The following RFTN2 variants were observed in gnomAD, a reference collection of about 807,000 sequenced individuals.
The protein encoded by RFTN2 is raftlin family member 2.
In RFTN2, 34 loss-of-function variants were observed where a neutral mutation model predicts 52.7. The observed-to-expected ratio is 0.64, with a 90% confidence interval of 0.49 to 0.86. The LOEUF (loss-of-function observed/expected upper bound fraction) is 0.86. Among genes scored for constraint, RFTN2 ranks in the 40% least tolerant of loss-of-function variants. The pLI is 0.00. For missense variants in RFTN2, 536 were observed against 600.1 expected (o/e 0.89, Z 1.12); for synonymous variants, 203 against 217.7 (o/e 0.93, Z 0.59).
At chr2:197,581,114 C>T (rs2106167611) in intron 8 of RFTN2, among the ~76,000 whole-genome samples, 1 of 152,348 alleles carries the variant, frequency 6.6e-6, no homozygotes, top group East Asian at 1.9e-4. Flanking sequence ...TCCCATCCCA[C>T]AACAGGCTTT....
chr2:197,643,185 G>A (rs1036077703), intron 3 of RFTN2, among the ~76,000 whole-genome samples: 4 of 152,098 alleles, frequency 2.6e-5, no homozygotes, highest in Non-Finnish European at 5.9e-5. Flanking sequence ...CTAGGCTCAG[G>A]TGATCCTCCT....
At chr2:197,646,909 A>AC (rs202040868) in intron 1 of RFTN2, among the ~76,000 whole-genome samples, 24,414 of 144,324 alleles carry the variant, frequency 0.17, 2,336 homozygotes, top group Middle Eastern at 0.26. Context: ...AAAAAAAAAA[A>AC]AAAAAAAAAA....
In RFTN2 at chr2:197,615,765, G is replaced by C. The variant is rs1032957752; in HGVS notation, c.1154+111C>G. ...TCCATAAAATCAAATTCGAAGCTCA[G>C]TGTAATGTTTTCTGTAGGCATTAAA... is the stretch of plus-strand genomic sequence containing the variant. On this transcript the variant is annotated intron_variant, in intron 7 of 8. Transcript: ENST00000295049. The C allele has an allele frequency of 4.6e-5, 29 of 629,986 alleles. No individual in the cohort carries two copies. The Middle Eastern group carries it at 8.5e-4, about 19-fold the overall frequency. 39.0% of individuals were successfully genotyped at this position (629,986 alleles called of 1,614,324 possible).
At chr2:197,634,157 A>T (rs551754781) in intron 3 of RFTN2, among the ~76,000 whole-genome samples, 160 bp from the exon 4 acceptor site, 1 of 152,326 alleles carries the variant, frequency 6.6e-6, no homozygotes, top group South Asian at 2.1e-4. Flanking sequence ...CCTGTAAAAT[A>T]GCACTGCCCC....
chr2:197,588,467 T>G (rs1388094574), intron 8 of RFTN2, among the ~76,000 whole-genome samples: 1 of 152,254 alleles, frequency 6.6e-6, no homozygotes, highest in Non-Finnish European at 1.5e-5. Context: ...CCGCCTTCCT[T>G]GGCCTCCCAG....
chr2:197,599,521 G>C lies in RFTN2; in HGVS notation c.1155-3452C>G, dbSNP rs183893059. On this transcript the variant is annotated intron_variant, in intron 7 of 8. Transcript: ENST00000295049. ...CAGTGTGAGAAGGAGAAAGAGGAAG[G>C]AGGTGGCTTATCAAAGGCTCGGTGG... 5.9e-5 allele frequency among the ~76,000 whole-genome samples: 9 copies of C among 152,274 alleles called. No individual in the cohort carries two copies. The East Asian group carries it at 1.7e-3, about 29-fold the overall frequency.
At position 197,646,656 on chromosome 2, in the gene RFTN2, G is replaced by T. The variant is rs924149209; in HGVS notation, c.150C>A (p.Asn50Lys). 3 of 1,609,826 alleles carry T rather than the reference G, an allele frequency of 1.9e-6. No individual in the cohort carries two copies. Among genetic ancestry groups the T allele is most frequent in the Non-Finnish European group, 2.5e-6 (3 of 1,177,290 alleles). The change falls in exon 2 of 9, where the codon AAC becomes AAA. Residue 50 changes from asparagine to lysine, a missense_variant. Asn to Lys is a moderately conservative substitution (Grantham distance 94). Transcript: ENST00000295049. ...LLDFTLQASS[N>K]PEVIKINSIL... ...TTGAATTTATCTTGATGACTTCTGG[G>T]TTTGATGAAGCTGAAATATCAAAAG...
At chr2:197,664,664 G>A (rs1270479182) in intron 1 of RFTN2, among the ~76,000 whole-genome samples, 1 of 151,032 alleles carries the variant, frequency 6.6e-6, no homozygotes, top group African/African-American at 2.4e-5. Flanking sequence ...ACATGGTTGT[G>A]GTCCCGGCTA....
In RFTN2 at chr2:197,634,078, T is replaced by C. The variant is rs184241141; in HGVS notation, c.439-81A>G. On this transcript the variant is annotated intron_variant, in intron 3 of 8. Transcript: ENST00000295049. ...CTTTATCAATTAACCTTTAGGCTTA[T>C]TGAGGAAATCCACTAGAAGATGGAG... 2,708 of 1,217,456 alleles carry C rather than the reference T, an allele frequency of 2.2e-3. 5 individuals are homozygous for C. The highest frequency in any genetic ancestry group is 2.8e-3 in the Non-Finnish European group (2,440 of 880,130). 75.4% of individuals were successfully genotyped at this position (1,217,456 alleles called of 1,614,324 possible).
Position 197,675,450 on chromosome 2 carries a change from G to A in RFTN2, c.9C>T (p.Cys3=), listed in dbSNP as rs149152537. Residue 3 remains cysteine, a synonymous_variant, in exon 1 of 9, where the codon TGC becomes TGT. Coordinates refer to ENST00000295049, the MANE Select transcript of RFTN2 (RefSeq NM_144629.3). MG[C]GLRKLEDPDD... Reference sequence around the variant, plus strand: ...CAGGGTCTTCTAGCTTTCTAAGTCCGCACCCCATGGCAAAATCTGTAAGGA... The same window carrying A: ...CAGGGTCTTCTAGCTTTCTAAGTCCACACCCCATGGCAAAATCTGTAAGGA... 693 of 1,571,432 alleles carry A rather than the reference G, an allele frequency of 4.4e-4. 3 individuals are homozygous for A. Among genetic ancestry groups the A allele is most frequent in the South Asian group, 5.4e-4 (45 of 83,692 alleles).
chr2:197,575,873 T>C (rs991036463), intron 8 of RFTN2, among the ~76,000 whole-genome samples: 2 of 126,824 alleles, frequency 1.6e-5, no homozygotes, highest in East Asian at 4.5e-4. Flanking sequence ...ATTTATATAT[T>C]ATATATTATA....
chr2:197,594,151 T>C (rs1387055304), intron 8 of RFTN2, among the ~76,000 whole-genome samples: 1 of 149,066 alleles, frequency 6.7e-6, no homozygotes, highest in Non-Finnish European at 1.5e-5. Context: ...AAGTAGCTGG[T>C]ACGACAGGCA....
At chr2:197,619,961 A>C (rs2088233579) in intron 5 of RFTN2, among the ~76,000 whole-genome samples, 2 of 151,546 alleles carry the variant, frequency 1.3e-5, no homozygotes, top group Non-Finnish European at 2.9e-5. Flanking sequence ...GCACAGTGAG[A>C]AGCGAGTGGA....
intron 8 of RFTN2, among the ~76,000 whole-genome samples, chr2:197,587,599 G>A (rs577377754): frequency 2.0e-5 from 3 of 148,884 alleles, no homozygotes; most frequent in Non-Finnish European, 4.4e-5. Flanking sequence ...CCTATAAAAC[G>A]GCCCTACCCC....
intron 1 of RFTN2, among the ~76,000 whole-genome samples, chr2:197,655,818 G>A (rs1042044986): frequency 6.6e-5 from 10 of 151,736 alleles, no homozygotes; most frequent in Admixed American, 1.3e-4. Flanking sequence ...GTGAGACTCC[G>A]TCTCAAAAAA....
chr2:197,602,059 T>C (rs771348631), intron 7 of RFTN2, among the ~76,000 whole-genome samples: 8 of 152,052 alleles, frequency 5.3e-5, no homozygotes, highest in Non-Finnish European at 1.0e-4. Context: ...TGACACTATC[T>C]TTTTTTTATT....
intron 7 of RFTN2, among the ~76,000 whole-genome samples, chr2:197,614,318 T>C: frequency 6.6e-6 from 1 of 152,188 alleles, no homozygotes. Context: ...AGCATCTGAA[T>C]GCTGAGAAGA....
intron 3 of RFTN2, among the ~76,000 whole-genome samples, chr2:197,640,960 G>A (rs542429882): frequency 6.6e-6 from 1 of 152,228 alleles, no homozygotes; most frequent in African/African-American, 2.4e-5. Context: ...ATCCTTCTTT[G>A]TATTGCAGTG....
chr2:197,580,818 A>G (rs764830469), intron 8 of RFTN2, among the ~76,000 whole-genome samples: 7 of 152,178 alleles, frequency 4.6e-5, no homozygotes, highest in Non-Finnish European at 2.9e-5. Flanking sequence ...CAACTTGGAC[A>G]ACGTTCTTTT....
Sources: gnomAD v4.1 joint callset for allele counts (sites outside exome capture counted in the v4.1 genomes callset) on GRCh38, gnomAD v4.1.1 for gene constraint, MANE v1.5 for transcripts, NCBI Gene and HGNC (gene_info 2026-07-23, HGNC 2026-07-21) for gene names.